Variants in SLC9A4 observed in about 807,000 individuals in gnomAD.
SLC9A4 encodes the protein sodium/hydrogen exchanger 4.
Under a neutral mutation model 67.4 loss-of-function variants are expected in SLC9A4, and 63 were observed. The ratio of observed to expected loss-of-function variants is 0.93; its 90% CI spans 0.76 to 1.15. SLC9A4 has a LOEUF of 1.15. Among genes scored for constraint, SLC9A4 ranks in the 50% most tolerant of loss-of-function variants. The probability of loss-of-function intolerance (pLI) is 0.00; values close to 1 mark genes in which losing one functional copy is unlikely to be tolerated. For missense variants in SLC9A4, 1,089 were observed against 987.7 expected, an observed-to-expected ratio of 1.10 and a Z score of -1.38; for synonymous variants, 393 against 367.2, an observed-to-expected ratio of 1.07 and a Z score of -0.80.
rs1203730044 is a variant in SLC9A4, at chr2:102,525,131, T to G, written c.1926T>G (p.Gly642=). 6.2e-7 allele frequency: 1 copy of G among 1,613,970 alleles called. No individual in the cohort carries two copies. Among genetic ancestry groups the G allele is most frequent in the East Asian group, 2.2e-5 (1 of 44,840 alleles). Residue 642 remains glycine (G), a synonymous_variant, in exon 10 of 12, where the codon GGT becomes GGG. Coordinates refer to ENST00000295269, the MANE Select transcript of SLC9A4 (RefSeq NM_001011552.4). ...CCTTAAGGGAGAGCATGAGGAAAGG[T>G]CACAGCCTGCCCTGGGGAAAGCCGG... ...QNTLRESMRK[G]HSLPWGKPAG...
chr2:102,531,673 C>G (rs1674781515), intron 11 of SLC9A4, among the ~76,000 whole-genome samples: 1 of 152,184 alleles, frequency 6.6e-6, no homozygotes, highest in Non-Finnish European at 1.5e-5. Flanking sequence ...TATGAGGATT[C>G]AATGGCATGA....
At position 102,528,874 on chromosome 2, in the gene SLC9A4, G is replaced by C. The variant is rs187224329; in HGVS notation, c.2038+2528G>C. On this transcript the variant is annotated intron_variant, in intron 11 of 11. Transcript: ENST00000295269. Reference sequence around the variant, plus strand: ...AGTCAAAGCCATAAAATGCCAGGAAGAAATAGACAGGATATATATGAAGGA... The same window carrying C: ...AGTCAAAGCCATAAAATGCCAGGAACAAATAGACAGGATATATATGAAGGA... Among the ~76,000 whole-genome samples the C allele has an allele frequency of 1.5e-4, 23 of 152,274 alleles. No individual in the cohort carries two copies. In the East Asian group the frequency reaches 4.4e-3, roughly 29 times the overall value.
intron 9 of SLC9A4, 103 bp from the exon 10 acceptor site, chr2:102,524,921 C>T (rs1674627276): frequency 7.1e-7 from 1 of 1,405,700 alleles, no homozygotes; most frequent in East Asian, 2.3e-5. Flanking sequence ...CCAAGGTGCT[C>T]ACCTGTTCTC....
At chr2:102,520,578 C>G (rs1394582153) in intron 9 of SLC9A4, among the ~76,000 whole-genome samples, 1 of 152,100 alleles carries the variant, frequency 6.6e-6, no homozygotes, top group South Asian at 2.1e-4. Flanking sequence ...CTAACGAAGT[C>G]ATATAATGAC....
At chr2:102,517,262 T>G (rs1685293650) in intron 8 of SLC9A4, among the ~76,000 whole-genome samples, 1 of 152,202 alleles carries the variant, frequency 6.6e-6, no homozygotes, top group South Asian at 2.1e-4. Context: ...CAAGTCTTCT[T>G]GTCTTCTGAG....
Position 102,505,356 on chromosome 2 carries a change from C to T in SLC9A4, c.1083C>T (p.Val361=). 6.2e-7 allele frequency: 1 copy of T among 1,614,234 alleles called. No individual in the cohort carries two copies. The highest frequency in any genetic ancestry group is 2.2e-5 in the East Asian group (1 of 44,888). Reference sequence around the variant, plus strand: ...ACTTCATGAAGATGCTGAGCAGCGTCAGCGAGACCTTGATCTTCATCTTCA... The same window carrying T: ...ACTTCATGAAGATGCTGAGCAGCGTTAGCGAGACCTTGATCTTCATCTTCA... ...IKYFMKMLSS[V]SETLIFIFMG... Residue 361 remains valine, a synonymous_variant, in exon 4 of 12, where the codon GTC becomes GTT. Coordinates refer to ENST00000295269, the MANE Select transcript of SLC9A4 (RefSeq NM_001011552.4).
chr2:102,513,150 C>A (rs895736929), intron 7 of SLC9A4, among the ~76,000 whole-genome samples: 1 of 152,032 alleles, frequency 6.6e-6, no homozygotes, highest in Non-Finnish European at 1.5e-5. Context: ...ACACAGGAAC[C>A]GCGGCTTCTC....
intron 11 of SLC9A4, among the ~76,000 whole-genome samples, chr2:102,530,972 T>C (rs1674767082): frequency 6.6e-6 from 1 of 152,110 alleles, no homozygotes; most frequent in Non-Finnish European, 1.5e-5. Flanking sequence ...GCATATTCAT[T>C]CTAGATATGG....
intron 2 of SLC9A4, among the ~76,000 whole-genome samples, chr2:102,501,940 T>C (rs1230834777): frequency 1.3e-5 from 2 of 152,090 alleles, no homozygotes; most frequent in Non-Finnish European, 2.9e-5. Context: ...GAGAGCCAAC[T>C]GTGAAGGTGA....
intron 9 of SLC9A4, among the ~76,000 whole-genome samples, chr2:102,520,567 T>G (rs2058656): frequency 0.5 from 75,987 of 152,050 alleles, 20,029 homozygotes; most frequent in Admixed American, 0.59. Context: ...TAATTAGTCA[T>G]CTAACGAAGT....
At chr2:102,515,840 C>T (rs548100518) in intron 8 of SLC9A4, among the ~76,000 whole-genome samples, 1 of 152,214 alleles carries the variant, frequency 6.6e-6, no homozygotes, top group South Asian at 2.1e-4. Context: ...GCCTTGCCCT[C>T]ATGGACACCA....
chr2:102,484,914 G>T (rs1684553997), intron 2 of SLC9A4, among the ~76,000 whole-genome samples: 1 of 152,108 alleles, frequency 6.6e-6, no homozygotes, highest in Non-Finnish European at 1.5e-5. Context: ...TCCCTCCTCT[G>T]GTGACATCTT....
intron 5 of SLC9A4, 133 bp downstream of exon 5, chr2:102,508,414 T>C: frequency 1.2e-6 from 1 of 826,608 alleles, no homozygotes; most frequent in Non-Finnish European, 1.8e-6. Context: ...TTTCCGGAGA[T>C]TTCTAGATCA....
At chr2:102,474,555 A>G (rs1280668375) in intron 1 of SLC9A4, among the ~76,000 whole-genome samples, 1 of 152,178 alleles carries the variant, frequency 6.6e-6, no homozygotes, top group African/African-American at 2.4e-5. Context: ...GGCATATAAG[A>G]TTATATCTGT....
At position 102,532,340 on chromosome 2, in the gene SLC9A4, C is replaced by G; in HGVS notation, c.2049C>G (p.Ser683Arg). The G allele has an allele frequency of 6.2e-7, 1 of 1,612,530 alleles. No homozygotes were observed. The highest frequency in any genetic ancestry group is 1.1e-5 in the South Asian group (1 of 90,992). ...TRAAGFSDDD[S>R]SDPGSPSITF... ...ATGATGTTTTCCTAGATGATGACAG[C>G]AGTGATCCAGGATCCCCATCCATCA... is the stretch of plus-strand genomic sequence containing the variant. Residue 683 changes from serine to arginine, a missense_variant, in exon 12 of 12, where the codon AGC (serine) becomes AGG (arginine). By Grantham distance (110) the Ser-to-Arg change is moderately radical. Transcript: ENST00000295269.
At chr2:102,478,480 A>G (rs1421338633) in intron 1 of SLC9A4, among the ~76,000 whole-genome samples, 1 of 152,238 alleles carries the variant, frequency 6.6e-6, no homozygotes, top group Non-Finnish European at 1.5e-5. Context: ...TTTGGTGACT[A>G]TGATAGATTC....
intron 4 of SLC9A4, among the ~76,000 whole-genome samples, chr2:102,507,020 A>G (rs1324052561): frequency 6.6e-6 from 1 of 152,142 alleles, no homozygotes; most frequent in Non-Finnish European, 1.5e-5. Flanking sequence ...GGCTTGCTAC[A>G]TAAAAGGCTG....
chr2:102,513,509 A>C (rs1321408003), intron 7 of SLC9A4, among the ~76,000 whole-genome samples: 1 of 152,218 alleles, frequency 6.6e-6, no homozygotes, highest in Non-Finnish European at 1.5e-5. Flanking sequence ...GTCAGCGGCC[A>C]TCAGTCTCGC....
At chr2:102,498,363 A>G (rs1684853825) in intron 2 of SLC9A4, among the ~76,000 whole-genome samples, 1 of 152,238 alleles carries the variant, frequency 6.6e-6, no homozygotes, top group Non-Finnish European at 1.5e-5. Flanking sequence ...GTCCAGAGAC[A>G]AGGCTGGCCC....
Sources: allele counts gnomAD v4.1 joint callset (sites outside exome capture counted in the v4.1 genomes callset), GRCh38; gene constraint gnomAD v4.1.1; transcripts MANE v1.5; gene names NCBI Gene and HGNC (gene_info 2026-07-23, HGNC 2026-07-21).